Variants in ZNF729 observed in about 807,000 individuals in gnomAD.
The protein encoded by ZNF729 is zinc finger protein 729.
Under a neutral mutation model 12.2 loss-of-function variants are expected in ZNF729, and 15 were observed. The observed-to-expected ratio is 1.23, with a 90% CI of 0.82 to 1.89. The LOEUF is 1.89. Ranked by LOEUF, ZNF729 falls within the 40% of genes most tolerant of loss-of-function variation. The pLI is 0.00. For missense variants in ZNF729, 1,540 were observed against 1,456.7 expected (o/e 1.06, Z -0.93); for synonymous variants, 492 against 476.3 (o/e 1.03, Z -0.43).
chr19:22,300,549 T>C (rs1433172275), intron 1 of ZNF729, among the ~76,000 whole-genome samples: 1 of 152,188 alleles, frequency 6.6e-6, no homozygotes, highest in East Asian at 1.9e-4. Flanking sequence ...ATCAGTCAAT[T>C]CACAATTGTG....
chr19:22,316,881 C>T lies in ZNF729; in HGVS notation c.3464C>T (p.Ser1155Phe). ...SILTKHKIIH[S>F]VEKPYKCEEC... ...CTTACTAAACATAAGATAATTCATT[C>T]TGTAGAGAAACCCTACAAATGTGAA... Residue 1155 changes from serine to phenylalanine, a missense_variant, in exon 4 of 4, where the codon TCT (serine) becomes TTT (phenylalanine). Transcript: ENST00000601693. The T allele has an allele frequency of 6.2e-7, 1 of 1,612,912 alleles. No individual in the cohort carries two copies.
At chr19:22,305,953 G>T (rs1198509540) in intron 3 of ZNF729, among the ~76,000 whole-genome samples, 1 of 151,958 alleles carries the variant, frequency 6.6e-6, no homozygotes, top group Non-Finnish European at 1.5e-5. Flanking sequence ...CAGGCACATG[G>T]CATTAAACCT....
In ZNF729 at chr19:22,317,021, T is replaced by A; in HGVS notation, c.3604T>A (p.Tyr1202Asn). ...TGGCAAAGCTTTTATTCAGTGCTCA[T>A]ACCTTATTAGACATAAAACAATTCA... ...ECGKAFIQCS[Y>N]LIRHKTIHTR... The change falls in exon 4 of 4, where the codon TAC becomes AAC. Residue 1202 changes from tyrosine to asparagine, a missense_variant. Physicochemically the swap from Tyr to Asn is moderately radical, Grantham distance 143 (BLOSUM62 -2). Transcript: ENST00000601693. 1 of 1,608,906 alleles carries A rather than the reference T, an allele frequency of 6.2e-7. No homozygotes were observed. Among genetic ancestry groups the A allele is most frequent in the Non-Finnish European group, 8.5e-7 (1 of 1,179,304 alleles).
intron 2 of ZNF729, 26 bp from the exon 3 acceptor site, chr19:22,304,662 T>TGGGTAAAAATAA (rs1968356865): frequency 6.3e-7 from 1 of 1,575,394 alleles, no homozygotes; most frequent in East Asian, 2.4e-5. Context: ...GACCAATATT[T>TGGGTAAAAATAA]ATGTTATTTA....
At chr19:22,295,086 G>A (rs1041945269) in intron 1 of ZNF729, among the ~76,000 whole-genome samples, 1 of 148,390 alleles carries the variant, frequency 6.7e-6, no homozygotes, top group African/African-American at 2.5e-5. Context: ...GTTGTGAAGG[G>A]GATTGTGTTT....
intron 3 of ZNF729, among the ~76,000 whole-genome samples, chr19:22,313,075 G>C (rs1276619922): frequency 7.4e-6 from 1 of 135,282 alleles, no homozygotes; most frequent in Non-Finnish European, 1.5e-5. Flanking sequence ...TTTTTTTTTT[G>C]AGACAGGGTC....
chr19:22,308,541 T>C (rs1476268720), intron 3 of ZNF729, among the ~76,000 whole-genome samples: 1 of 152,098 alleles, frequency 6.6e-6, no homozygotes, highest in Non-Finnish European at 1.5e-5. Flanking sequence ...TACTGTTTTT[T>C]TGATTTTTTT....
intron 1 of ZNF729, among the ~76,000 whole-genome samples, chr19:22,302,127 C>G (rs142535895): frequency 2.5e-3 from 388 of 152,302 alleles, no homozygotes; most frequent in African/African-American, 9.0e-3. Context: ...TGTTCCTCCC[C>G]TCATACAAGA....
At chr19:22,311,621 A>G (rs1292088631) in intron 3 of ZNF729, among the ~76,000 whole-genome samples, 2 of 152,088 alleles carry the variant, frequency 1.3e-5, no homozygotes, top group African/African-American at 4.8e-5. Context: ...CATATGGTCT[A>G]TTTGGAGAAA....
chr19:22,286,608 G>T, intron 1 of ZNF729, 53 bp downstream of exon 1: 1 of 1,610,978 alleles, frequency 6.2e-7, no homozygotes, highest in Non-Finnish European at 8.5e-7. Context: ...GATTGGAACC[G>T]GTGGGAAGTG....
In ZNF729 at chr19:22,315,128, C is replaced by A. The variant is rs1968511896; in HGVS notation, c.1711C>A (p.Pro571Thr). 1.2e-6 allele frequency: 2 copies of A among 1,610,858 alleles called. No individual in the cohort carries two copies. The highest frequency in any genetic ancestry group is 1.7e-6 in the Non-Finnish European group (2 of 1,179,598). ...VHKVIHTGEK[P>T]CKCEECGKAF... is the part of the protein sequence containing the mutation. ...TAAGGTAATTCATACTGGAGAGAAACCCTGCAAATGTGAAGAATGTGGCAA... is the reference window on the plus strand; with the variant it reads ...TAAGGTAATTCATACTGGAGAGAAAACCTGCAAATGTGAAGAATGTGGCAA... The change falls in exon 4 of 4, where the codon CCC (proline) becomes ACC (threonine). Residue 571 changes from proline to threonine, a missense_variant. Physicochemically the swap from Pro to Thr is conservative, Grantham distance 38. Transcript: ENST00000601693.
In ZNF729 at chr19:22,303,790, A is replaced by G. The variant is rs758451055; in HGVS notation, c.63A>G (p.Glu21=). ...TGACATTTAGAGATGTGACCATAGA[A>G]TTCTCTCTGGAGGAGTGGCAATGCC... ...GPLTFRDVTI[E]FSLEEWQCLD... The change falls in exon 2 of 4, where the codon GAA becomes GAG. Residue 21 remains glutamate, a synonymous_variant. Coordinates refer to ENST00000601693, the MANE Select transcript of ZNF729 (RefSeq NM_001242680.2). 90 of 1,573,666 alleles carry G rather than the reference A, an allele frequency of 5.7e-5. No individual in the cohort carries two copies. Among genetic ancestry groups the G allele is most frequent in the Non-Finnish European group, 7.3e-5 (84 of 1,154,932 alleles).
chr19:22,316,499 G>A lies in ZNF729; in HGVS notation c.3082G>A (p.Ala1028Thr). Residue 1028 changes from alanine to threonine, a missense_variant, in exon 4 of 4, where the codon GCT (alanine) becomes ACT (threonine). Physicochemically the swap from Ala to Thr is moderately conservative, Grantham distance 58 (BLOSUM62 0). Coordinates refer to ENST00000601693, the MANE Select transcript of ZNF729 (RefSeq NM_001242680.2). ...GTACAAATGTGAAGAATGTGTCAAAGCTTTTAACAATTTCTCAGCCCTTAT... is the reference window on the plus strand; with the variant it reads ...GTACAAATGTGAAGAATGTGTCAAAACTTTTAACAATTTCTCAGCCCTTAT... The part of the protein sequence containing the change: ...KLYKCEECVK[A>T]FNNFSALMKH... 1 of 1,613,692 alleles carries A rather than the reference G, an allele frequency of 6.2e-7. No individual in the cohort carries two copies.
At chr19:22,302,106 C>T (rs1431721291) in intron 1 of ZNF729, among the ~76,000 whole-genome samples, 4 of 152,308 alleles carry the variant, frequency 2.6e-5, no homozygotes, top group Non-Finnish European at 5.9e-5. Flanking sequence ...AGAAATGAGT[C>T]ATCCTGTGTT....
rs556200784 is a variant in ZNF729, at chr19:22,314,351, G to C, written c.934G>C (p.Val312Leu). ...GTCCTCAAATTTTAATGCACATAAG[G>C]TAATTCATACTGCAGAGAAACCCTA... ...KGSSNFNAHK[V>L]IHTAEKPYKC... The change falls in exon 4 of 4, where the codon GTA becomes CTA. Residue 312 changes from valine to leucine, a missense_variant. Physicochemically the swap from Val to Leu is conservative, Grantham distance 32 (BLOSUM62 1). Transcript: ENST00000601693. The C allele has an allele frequency of 6.3e-7, 1 of 1,594,878 alleles. No homozygotes were observed. Among genetic ancestry groups the C allele is most frequent in the Non-Finnish European group, 8.6e-7 (1 of 1,169,468 alleles).
In ZNF729 at chr19:22,314,948, A is replaced by T. The variant is rs1021789675; in HGVS notation, c.1531A>T (p.Thr511Ser). The T allele has an allele frequency of 1.5e-5, 24 of 1,612,538 alleles. No individual in the cohort carries two copies. The highest frequency in any genetic ancestry group is 1.9e-5 in the Non-Finnish European group (22 of 1,179,770). ...SDLRRHKIIH[T>S]GKKPYKCEEC... The stretch of plus-strand genomic sequence containing the variant: ...CCTTAGAAGACATAAGATAATTCAT[A>T]CTGGAAAGAAACCCTACAAATGTGA... The change falls in exon 4 of 4, where the codon ACT becomes TCT. Residue 511 changes from threonine to serine, a missense_variant. Coordinates refer to ENST00000601693, the MANE Select transcript of ZNF729 (RefSeq NM_001242680.2).
At chr19:22,294,572 T>C (rs1278792011) in intron 1 of ZNF729, among the ~76,000 whole-genome samples, 1 of 152,048 alleles carries the variant, frequency 6.6e-6, no homozygotes, top group East Asian at 1.9e-4. Context: ...GCCATTTTAA[T>C]CATTTTGATC....
chr19:22,310,163 A>G (rs1199836695), intron 3 of ZNF729, among the ~76,000 whole-genome samples: 2 of 152,064 alleles, frequency 1.3e-5, no homozygotes, highest in African/African-American at 2.4e-5. Flanking sequence ...GCAAACAGTG[A>G]CAGTTTTACT....
Position 22,314,288 on chromosome 19 carries a change from A to G in ZNF729, c.871A>G (p.Thr291Ala). 1 of 1,608,726 alleles carries G rather than the reference A, an allele frequency of 6.2e-7. No homozygotes were observed. Among genetic ancestry groups the G allele is most frequent in the Non-Finnish European group, 8.5e-7 (1 of 1,178,498 alleles). Residue 291 changes from threonine (T) to alanine (A), a missense_variant, in exon 4 of 4, where the codon ACC (threonine) becomes GCC (alanine). Physicochemically the swap from Thr to Ala is moderately conservative, Grantham distance 58. Coordinates refer to ENST00000601693, the MANE Select transcript of ZNF729 (RefSeq NM_001242680.2). ...TAAGAGAATTCATACTGGAGAGAAA[A>G]CCTACAAATGTGAAGAATGTGGCAA... Reference protein sequence around the residue: ...DHKRIHTGEKTYKCEECGKAF... With the variant: ...DHKRIHTGEKAYKCEECGKAF...
Sources: gnomAD v4.1 joint callset for allele counts (sites outside exome capture counted in the v4.1 genomes callset) on GRCh38, gnomAD v4.1.1 for gene constraint, MANE v1.5 for transcripts, NCBI Gene and HGNC (gene_info 2026-07-23, HGNC 2026-07-21) for gene names.